TECRL: variants seen among roughly 807,000 people sequenced by gnomAD.
TECRL encodes the protein trans-2,3-enoyl-CoA reductase like.
In TECRL, 63 loss-of-function variants were observed where a neutral mutation model predicts 52.8. The observed-to-expected ratio is 1.19, with a 90% CI of 0.97 to 1.47. The LOEUF is 1.47. TECRL is among the 40% of genes most tolerant of loss of function. The probability of loss-of-function intolerance (pLI) is 0.00; values close to 1 mark genes in which losing one functional copy is unlikely to be tolerated. For missense variants in TECRL, 482 were observed against 429.6 expected (o/e 1.12, Z -1.08); for synonymous variants, 164 against 141.9 (o/e 1.16, Z -1.10).
rs752358370 is a variant in TECRL, at chr4:64,322,688, C to CG, written c.435_435+1insC (p.Val146ArgfsTer5). The CG allele has an allele frequency of 1.3e-6, 2 of 1,586,022 alleles. No homozygotes were observed. Among genetic ancestry groups the CG allele is most frequent in the Non-Finnish European group, 1.7e-6 (2 of 1,165,222 alleles). On this transcript the variant is annotated frameshift_variant and splice_region_variant. Transcript: ENST00000381210. LOFTEE classifies it high-confidence loss of function. ...ATATTACATTTCAAATTAACACTTA[C>CG]TGTGGTCCAACTGACTTGTTGACCT...
intron 1 of TECRL, among the ~76,000 whole-genome samples, chr4:64,403,932 C>A (rs914607606): frequency 4.0e-5 from 6 of 151,766 alleles, no homozygotes; most frequent in Non-Finnish European, 7.4e-5. Flanking sequence ...TGCCATGTGG[C>A]CATTCTAAGG....
At chr4:64,345,922 A>AAAAAAAAAAC (rs1560516707) in intron 2 of TECRL, among the ~76,000 whole-genome samples, 4 of 145,580 alleles carry the variant, frequency 2.7e-5, no homozygotes, top group East Asian at 2.0e-4. Context: ...AAAAAAAAAA[A>AAAAAAAAAAC]AAAAAAAAAC....
At chr4:64,374,556 C>A (rs968209031) in intron 2 of TECRL, among the ~76,000 whole-genome samples, 4 of 151,818 alleles carry the variant, frequency 2.6e-5, no homozygotes, top group African/African-American at 9.7e-5. Context: ...TGCTATCCCT[C>A]CCCGCTCCCC....
At chr4:64,408,006 A>T (rs1215878446) in intron 1 of TECRL, among the ~76,000 whole-genome samples, 1 of 151,722 alleles carries the variant, frequency 6.6e-6, no homozygotes, top group East Asian at 1.9e-4. Context: ...TTAAAACTGT[A>T]CAGAAATGGT....
chr4:64,288,666 C>A (rs901701867), intron 9 of TECRL, among the ~76,000 whole-genome samples: 2 of 152,120 alleles, frequency 1.3e-5, no homozygotes, highest in Non-Finnish European at 2.9e-5. Flanking sequence ...CAAAGCCAAA[C>A]TTGCCCTCCC....
intron 8 of TECRL, among the ~76,000 whole-genome samples, chr4:64,294,612 GTGTC>G (rs1335754348): frequency 6.6e-6 from 1 of 152,036 alleles, no homozygotes; most frequent in Non-Finnish European, 1.5e-5. Context: ...CAAAAAAAAA[GTGTC>G]TGATGAATCT....
At chr4:64,315,871 A>G (rs1356213038) in intron 4 of TECRL, among the ~76,000 whole-genome samples, 3 of 152,072 alleles carry the variant, frequency 2.0e-5, no homozygotes, top group Non-Finnish European at 2.9e-5. Context: ...AGAAATATAT[A>G]TATATTTTCT....
chr4:64,378,450 C>T (rs1021150), intron 1 of TECRL, among the ~76,000 whole-genome samples: 33,940 of 151,724 alleles, frequency 0.22, 3,879 homozygotes, highest in Middle Eastern at 0.3. Context: ...GTCTGTAGTC[C>T]CAGCTATGCT....
At chr4:64,330,954 T>C (rs1718594915) in intron 2 of TECRL, among the ~76,000 whole-genome samples, 2 of 152,022 alleles carry the variant, frequency 1.3e-5, no homozygotes, top group South Asian at 2.1e-4. Flanking sequence ...CTTTTATGCA[T>C]AGAGATCACA....
chr4:64,304,522 TA>T (rs1276031712), intron 7 of TECRL, among the ~76,000 whole-genome samples: 4 of 152,070 alleles, frequency 2.6e-5, no homozygotes, highest in African/African-American at 7.2e-5. Flanking sequence ...AATTGTCAAA[TA>T]AATGAGAAAT....
Position 64,372,690 on chromosome 4 carries a change from TAG to T in TECRL, c.286+2480_286+2481del, listed in dbSNP as rs575230151. ...GATTAATCAAAACGAGAACAAAAGA[TAG>T]AGATAAAAGACATATAACAAGAATT... On this transcript the variant is annotated intron_variant, in intron 2 of 11. Coordinates refer to ENST00000381210, the MANE Select transcript of TECRL (RefSeq NM_001010874.5). 2.1e-4 allele frequency among the ~76,000 whole-genome samples: 32 copies of T among 151,294 alleles called. No individual in the cohort carries two copies. In the East Asian group the frequency reaches 6.0e-3, roughly 28 times the overall value.
In TECRL at chr4:64,382,211, ATATATATATATATATATATATAT is replaced by A. The variant is rs534548197; in HGVS notation, c.235-7011_235-6989del. Reference sequence around the variant, plus strand: ...TTTCTGTATATATATATATATATATATATATATATATATATATATATATAGTATTATGTATATATAATATATAT... The same window carrying A: ...TTTCTGTATATATATATATATATATAAGTATTATGTATATATAATATATAT... On this transcript the variant is annotated intron_variant, in intron 1 of 11. Transcript: ENST00000381210. Among the ~76,000 whole-genome samples the A allele has an allele frequency of 1.2e-3, 169 of 138,742 alleles. 3 individuals are homozygous for A. Among genetic ancestry groups the A allele is most frequent in the African/African-American group, 4.5e-3 (160 of 35,392 alleles). 91.0% of individuals were successfully genotyped at this position (138,742 alleles called of 152,430 possible).
chr4:64,335,888 C>A (rs1320439457), intron 2 of TECRL, among the ~76,000 whole-genome samples: 6 of 152,076 alleles, frequency 3.9e-5, no homozygotes, highest in Admixed American at 6.6e-5. Context: ...GGTGGATAAG[C>A]CTTTTGATGT....
At chr4:64,362,381 C>T (rs903260516) in intron 2 of TECRL, among the ~76,000 whole-genome samples, 1 of 151,842 alleles carries the variant, frequency 6.6e-6, no homozygotes, top group African/African-American at 2.4e-5. Flanking sequence ...AAACAACCAT[C>T]CCCAAGACTT....
chr4:64,399,565 G>C (rs1348230394), intron 1 of TECRL, among the ~76,000 whole-genome samples: 1 of 152,130 alleles, frequency 6.6e-6, no homozygotes, highest in African/African-American at 2.4e-5. Flanking sequence ...CCTGAGGCCT[G>C]GGAGAACAGA....
At chr4:64,348,452 C>T (rs1039015901) in intron 2 of TECRL, among the ~76,000 whole-genome samples, 1 of 152,180 alleles carries the variant, frequency 6.6e-6, no homozygotes, top group African/African-American at 2.4e-5. Flanking sequence ...AACCATATAA[C>T]TTCACCATTG....
intron 1 of TECRL, among the ~76,000 whole-genome samples, chr4:64,405,989 G>A (rs1208802396): frequency 6.6e-6 from 1 of 152,054 alleles, no homozygotes; most frequent in Non-Finnish European, 1.5e-5. Flanking sequence ...CAGATTCTGA[G>A]AACTGATGGA....
At chr4:64,312,829 T>C (rs1447968332) in intron 5 of TECRL, among the ~76,000 whole-genome samples, 1 of 152,146 alleles carries the variant, frequency 6.6e-6, no homozygotes, top group Admixed American at 6.5e-5. Context: ...GAAAACTTTT[T>C]TCATGCTCTG....
In TECRL at chr4:64,393,540, C is replaced by T. The variant is rs867348935; in HGVS notation, c.234+15578G>A. Among the ~76,000 whole-genome samples, 13 of 151,958 alleles carry T rather than the reference C, an allele frequency of 8.6e-5. No homozygotes were observed. In the Middle Eastern group the frequency reaches 0.01, roughly 119 times the overall value. The stretch of plus-strand genomic sequence containing the variant: ...AAGAGGAGTTGTTTTGATTATACTG[C>T]CTTCCTAAGGACATTAAAATTGAAA... On this transcript the variant is annotated intron_variant, in intron 1 of 11. Transcript: ENST00000381210.
Sources: gnomAD v4.1 joint callset for allele counts (sites outside exome capture counted in the v4.1 genomes callset) on GRCh38, gnomAD v4.1.1 for gene constraint, MANE v1.5 for transcripts, NCBI Gene and HGNC (gene_info 2026-07-23, HGNC 2026-07-21) for gene names.